The following AVEN variants were observed in gnomAD, a reference collection of about 807,000 sequenced individuals.
The protein encoded by AVEN is cell death regulator Aven.
AVEN carries 41 observed loss-of-function variants against 38.1 expected under a neutral mutation model. The ratio of observed to expected loss-of-function variants is 1.08; its 90% CI spans 0.84 to 1.40. AVEN has a LOEUF of 1.40. AVEN is among the 40% of genes most tolerant of loss of function. The probability of loss-of-function intolerance (pLI) is 0.00; values close to 1 mark genes in which losing one functional copy is unlikely to be tolerated. For synonymous variants in AVEN, 206 were observed against 171.8 expected (o/e 1.20, Z -1.56); for missense variants, 605 against 438.8 (o/e 1.38, Z -3.38).
chr15:34,048,803 C>T (rs1396858726), intron 5 of AVEN, among the ~76,000 whole-genome samples: 1 of 152,022 alleles, frequency 6.6e-6, no homozygotes, highest in African/African-American at 2.4e-5. Context: ...AGCAACAGGT[C>T]AGTATCCTCC....
Position 34,029,517 on chromosome 15 carries a change from CAAAAAAAAAA to C in AVEN, c.267+9253_267+9262del, listed in dbSNP as rs66519745. 5.2e-3 allele frequency among the ~76,000 whole-genome samples: 622 copies of C among 118,702 alleles called. 13 individuals carry two copies. The highest frequency in any genetic ancestry group is 0.044 in the Admixed American group (495 of 11,158). The allele number at this position is 118,702 out of a possible 152,430, so 77.9% of individuals were successfully genotyped here. On this transcript the variant is annotated intron_variant, in intron 1 of 5. Coordinates refer to ENST00000306730, the MANE Select transcript of AVEN (RefSeq NM_020371.3). ...GCAACATAGGTAGACCCTATTTCTA[CAAAAAAAAAA>C]AAAAAAAAAAAAAATTGAAAAGGAA...
At chr15:34,025,549 A>G (rs1259666047) in intron 1 of AVEN, among the ~76,000 whole-genome samples, 2 of 152,204 alleles carry the variant, frequency 1.3e-5, no homozygotes, top group East Asian at 3.8e-4. Flanking sequence ...TTATTGGGTC[A>G]TCTGGTGAAA....
At chr15:33,890,915 C>A (rs957586391) in intron 2 of AVEN, among the ~76,000 whole-genome samples, 1 of 152,098 alleles carries the variant, frequency 6.6e-6, no homozygotes, top group Non-Finnish European at 1.5e-5. Flanking sequence ...TGAGGCCAGC[C>A]TGGGCAACAT....
In AVEN at chr15:33,980,747, A is replaced by C. The variant is rs1896101531; in HGVS notation, c.445+22285T>G. 2.0e-5 allele frequency among the ~76,000 whole-genome samples: 3 copies of C among 152,204 alleles called. No individual in the cohort carries two copies. In the South Asian group the frequency reaches 6.2e-4, roughly 32 times the overall value. ...AGAACCCCAAATTACTTCTTGCTCT[A>C]AGCAGAGTGTAGGCAAGGACCTTAA... On this transcript the variant is annotated intron_variant, in intron 2 of 5. Transcript: ENST00000306730.
In AVEN at chr15:34,069,413, C is replaced by T. The variant is rs117181345; in HGVS notation, n.784+1175G>A. Among the ~76,000 whole-genome samples the T allele has an allele frequency of 9.4e-4, 142 of 151,686 alleles. 3 individuals carry two copies. In the East Asian group the frequency reaches 0.024, roughly 26 times the overall value. On this transcript the variant is annotated intron_variant and non_coding_transcript_variant, in intron 2 of 11. Transcript: ENST00000675287. ...GTTGAAGTGAGCTGAGATCGTGCCA[C>T]GGCACTCCAGCCTGAAAACAGAGAA...
At chr15:33,978,473 G>A (rs560023978) in intron 2 of AVEN, among the ~76,000 whole-genome samples, 1 of 152,268 alleles carries the variant, frequency 6.6e-6, no homozygotes, top group Admixed American at 6.5e-5. Context: ...AAACCAGCCT[G>A]ATCAACATGG....
intron 5 of AVEN, among the ~76,000 whole-genome samples, chr15:34,057,758 T>C (rs984312193): frequency 6.6e-6 from 1 of 152,184 alleles, no homozygotes; most frequent in African/African-American, 2.4e-5. Flanking sequence ...ATGGTGACAC[T>C]GTTCTCCAGC....
At chr15:33,921,251 TGCACCTAA>T (rs1247796297) in intron 2 of AVEN, among the ~76,000 whole-genome samples, 2 of 152,360 alleles carry the variant, frequency 1.3e-5, no homozygotes, top group East Asian at 1.9e-4. Flanking sequence ...TTCTCAGTAC[TGCACCTAA>T]GCACCTAAGA....
At chr15:33,873,165 T>A (rs1220259648) in intron 3 of AVEN, among the ~76,000 whole-genome samples, 1 of 140,854 alleles carries the variant, frequency 7.1e-6, no homozygotes, top group Non-Finnish European at 1.5e-5. Flanking sequence ...AATGGCACGA[T>A]CTCGGCTCAC....
At chr15:33,996,358 G>A (rs1020036646) in intron 2 of AVEN, among the ~76,000 whole-genome samples, 3 of 152,194 alleles carry the variant, frequency 2.0e-5, no homozygotes, top group Non-Finnish European at 4.4e-5. Context: ...TGAGTTCTGA[G>A]AACCGACAGA....
At chr15:33,979,301 T>G (rs1896031686) in intron 2 of AVEN, among the ~76,000 whole-genome samples, 1 of 152,122 alleles carries the variant, frequency 6.6e-6, no homozygotes, top group African/African-American at 2.4e-5. Context: ...GAGGAAGGAT[T>G]GCTTGAGCCC....
intron 2 of AVEN, among the ~76,000 whole-genome samples, chr15:33,938,148 T>C (rs905308376): frequency 6.6e-6 from 1 of 151,992 alleles, no homozygotes; most frequent in African/African-American, 2.4e-5. Context: ...TGTGGACAAA[T>C]ATGATTACTA....
At chr15:33,913,630 A>G (rs1289511001) in intron 2 of AVEN, among the ~76,000 whole-genome samples, 1 of 152,170 alleles carries the variant, frequency 6.6e-6, no homozygotes, top group Non-Finnish European at 1.5e-5. Context: ...AAATTACCTT[A>G]AGTCATTGAA....
intron 4 of AVEN, among the ~76,000 whole-genome samples, chr15:33,869,439 G>A (rs1286071701): frequency 6.6e-6 from 1 of 152,038 alleles, no homozygotes; most frequent in Admixed American, 6.5e-5. Flanking sequence ...CTTTATCTCA[G>A]CATTTCCCTG....
chr15:34,071,834 T>C (rs986678766), intron 1 of AVEN, among the ~76,000 whole-genome samples: 2 of 152,228 alleles, frequency 1.3e-5, no homozygotes, highest in Non-Finnish European at 2.9e-5. Flanking sequence ...AAAAAATCCT[T>C]TGATAGGTCC....
chr15:34,027,212 C>G (rs767104092), intron 1 of AVEN, among the ~76,000 whole-genome samples: 8 of 152,110 alleles, frequency 5.3e-5, no homozygotes, highest in Non-Finnish European at 1.2e-4. Context: ...CCACTCTACT[C>G]TGGTCTGCAG....
chr15:34,042,274 T>A (rs1053491320), upstream of AVEN, among the ~76,000 whole-genome samples: 19 of 152,176 alleles, frequency 1.2e-4, no homozygotes, highest in Non-Finnish European at 2.2e-4. Flanking sequence ...AAAATTCAGT[T>A]TTCCCTTAGG....
At chr15:34,037,552 T>TA (rs1555519223) in intron 1 of AVEN, among the ~76,000 whole-genome samples, 5 of 148,788 alleles carry the variant, frequency 3.4e-5, no homozygotes, top group Non-Finnish European at 7.4e-5. Flanking sequence ...TACATATATA[T>TA]TATATATATA....
At chr15:33,932,237 A>T (rs1172935710) in intron 2 of AVEN, among the ~76,000 whole-genome samples, 1 of 152,200 alleles carries the variant, frequency 6.6e-6, no homozygotes, top group Non-Finnish European at 1.5e-5. Context: ...CATATACCCA[A>T]TTTGGCAAGT....
Sources: allele counts gnomAD v4.1 joint callset (sites outside exome capture counted in the v4.1 genomes callset), GRCh38; gene constraint gnomAD v4.1.1; transcripts MANE v1.5; gene names NCBI Gene and HGNC (gene_info 2026-07-23, HGNC 2026-07-21).